The following FBLN7 variants were observed in gnomAD, a reference collection of about 807,000 sequenced individuals.
FBLN7 encodes the protein fibulin 7.
FBLN7 carries 31 observed loss-of-function variants against 44.0 expected under a neutral mutation model. That is an observed-to-expected ratio of 0.70 (90% confidence interval 0.53 to 0.95). FBLN7 has a LOEUF of 0.95. FBLN7 is among the 40% of genes least tolerant of loss of function. FBLN7 has a pLI of 0.00. For synonymous variants in FBLN7, 262 were observed against 253.4 expected, an observed-to-expected ratio of 1.03 and a Z score of -0.32; for missense variants, 573 against 618.5, an observed-to-expected ratio of 0.93 and a Z score of 0.78.
chr2:112,198,374 T>G, the FBLN7 span, among the ~76,000 whole-genome samples: 1 of 152,110 alleles, frequency 6.6e-6, no homozygotes, highest in Non-Finnish European at 1.5e-5. Flanking sequence ...CGGTGGCTCA[T>G]GCCTATAATC....
chr2:112,210,695 T>C, the FBLN7 span, among the ~76,000 whole-genome samples: 2 of 148,602 alleles, frequency 1.3e-5, no homozygotes, highest in Admixed American at 6.7e-5. Context: ...GGTAGAAAAT[T>C]GGACTGGAAT....
the FBLN7 span, among the ~76,000 whole-genome samples, chr2:112,198,099 A>C: frequency 2.1e-4 from 32 of 152,050 alleles, no homozygotes; most frequent in Non-Finnish European, 4.3e-4. Context: ...AGGATCAAAA[A>C]CACTCCCTCC....
chr2:112,194,049 A>G, the FBLN7 span, among the ~76,000 whole-genome samples: 1 of 152,154 alleles, frequency 6.6e-6, no homozygotes, highest in Non-Finnish European at 1.5e-5. Context: ...AATAGTTTCT[A>G]TTTGCTCCAC....
At chr2:112,174,665 T>C (rs774838512) in intron 3 of FBLN7, among the ~76,000 whole-genome samples, 4 of 152,236 alleles carry the variant, frequency 2.6e-5, no homozygotes, top group Non-Finnish European at 4.4e-5. Context: ...AGGGAATTCA[T>C]AACAAGCACA....
Position 112,187,645 on chromosome 2 carries a change from T to A in FBLN7, c.*139T>A, listed in dbSNP as rs1683338640. 8.7e-7 allele frequency: 1 copy of A among 1,152,130 alleles called. No homozygotes were observed. The allele number at this position is 1,152,130 out of a possible 1,614,324, so 71.4% of individuals were successfully genotyped here. On this transcript the variant is annotated 3_prime_UTR_variant, in exon 8 of 8. Transcript: ENST00000331203. This position sits in a 1 kb window ranked among gnomAD's most constrained non-coding sequence, Gnocchi z 5.1. Reference sequence around the variant, plus strand: ...TGCACCCAGGCTTCTAGGGCAGCGTTGCACGGCGCCCCATGGAATAGCACG... The same window carrying A: ...TGCACCCAGGCTTCTAGGGCAGCGTAGCACGGCGCCCCATGGAATAGCACG...
the FBLN7 span, among the ~76,000 whole-genome samples, chr2:112,231,628 A>G: frequency 3.3e-5 from 5 of 152,334 alleles, no homozygotes; most frequent in East Asian, 7.7e-4. Flanking sequence ...TCCAACTTAA[A>G]TCAGCAATGA....
At chr2:112,207,580 G>A in the FBLN7 span, among the ~76,000 whole-genome samples, 15 of 151,860 alleles carry the variant, frequency 9.9e-5, no homozygotes, top group African/African-American at 3.1e-4. Context: ...TATTTGTTCC[G>A]TCTATTAGTT....
At chr2:112,232,055 G>A in the FBLN7 span, 1 of 559,680 alleles carries the variant, frequency 1.8e-6, no homozygotes, top group Non-Finnish European at 2.9e-6. Context: ...CGGGCGAGGT[G>A]GCTCATGCCT....
At chr2:112,233,245 T>G in the FBLN7 span, 1 of 1,422,258 alleles carries the variant, frequency 7.0e-7, no homozygotes, top group Non-Finnish European at 9.6e-7. Flanking sequence ...CACCATATCT[T>G]GTGATAAAGG....
chr2:112,160,704 G>A (rs1428582487), intron 2 of FBLN7, among the ~76,000 whole-genome samples: 84 of 144,150 alleles, frequency 5.8e-4, no homozygotes, highest in Admixed American at 1.9e-3. Flanking sequence ...ACACACGCAC[G>A]CACACACACA....
intron 2 of FBLN7, among the ~76,000 whole-genome samples, chr2:112,161,691 C>T (rs1681878126): frequency 1.3e-5 from 2 of 151,942 alleles, no homozygotes; most frequent in Non-Finnish European, 2.9e-5. Flanking sequence ...TGTGAGAGGG[C>T]CCTGCCCGCT....
At chr2:112,183,702 A>G (rs554535142) in intron 6 of FBLN7, among the ~76,000 whole-genome samples, 2 of 152,168 alleles carry the variant, frequency 1.3e-5, no homozygotes, top group African/African-American at 4.8e-5. Flanking sequence ...GTTTCACCCC[A>G]GTGCTGAATC....
At chr2:112,196,371 CTTCTTTTTTT>C in the FBLN7 span, among the ~76,000 whole-genome samples, 1 of 115,594 alleles carries the variant, frequency 8.7e-6, no homozygotes, top group African/African-American at 3.4e-5. Context: ...TCTTCTTCTT[CTTCTTTTTTT>C]TTTTTTTTTT....
the FBLN7 span, among the ~76,000 whole-genome samples, chr2:112,242,022 C>T: frequency 2.6e-5 from 4 of 152,158 alleles, no homozygotes; most frequent in Non-Finnish European, 1.5e-5. Flanking sequence ...CACTCACCAC[C>T]CAGTCAGGCT....
chr2:112,210,010 G>A, the FBLN7 span, among the ~76,000 whole-genome samples: 7 of 151,776 alleles, frequency 4.6e-5, no homozygotes, highest in Admixed American at 2.0e-4. Context: ...AGCCCAGCAC[G>A]GGGTGTCTGA....
chr2:112,161,237 A>G (rs1475733958), intron 2 of FBLN7, among the ~76,000 whole-genome samples: 1 of 152,062 alleles, frequency 6.6e-6, no homozygotes, highest in Non-Finnish European at 1.5e-5. Flanking sequence ...GACATCATTT[A>G]CTCACTGCAG....
At chr2:112,180,977 C>T (rs989335560) in intron 4 of FBLN7, among the ~76,000 whole-genome samples, 4 of 143,644 alleles carry the variant, frequency 2.8e-5, no homozygotes, top group African/African-American at 1.0e-4. Flanking sequence ...AAATGTGGGA[C>T]ATATACACCA....
the FBLN7 span, among the ~76,000 whole-genome samples, chr2:112,241,446 C>T: frequency 7.5e-4 from 114 of 152,264 alleles, 1 homozygote; most frequent in African/African-American, 2.7e-3. Flanking sequence ...GAGACCCCCC[C>T]CTCAAGGGCC....
At chr2:112,233,208 A>AAAG in the FBLN7 span, 2 of 1,302,308 alleles carry the variant, frequency 1.5e-6, no homozygotes, top group Non-Finnish European at 2.1e-6. Flanking sequence ...TGCACATTTA[A>AAAG]AATGTTCATG....
Sources: gnomAD v4.1 joint callset for allele counts (sites outside exome capture counted in the v4.1 genomes callset) on GRCh38, gnomAD v4.1.1 for gene constraint, Gnocchi (gnomAD v3.1) non-coding constraint, MANE v1.5 for transcripts, NCBI Gene and HGNC (gene_info 2026-07-23, HGNC 2026-07-21) for gene names.